KCNH1: variants seen among roughly 807,000 people sequenced by gnomAD.
KCNH1 encodes potassium voltage-gated channel subfamily H member 1.
A neutral mutation model predicts 69.2 loss-of-function variants in KCNH1; 27 were observed. That is an observed-to-expected ratio of 0.39 (90% CI 0.29 to 0.54). The LOEUF (loss-of-function observed/expected upper bound fraction) is 0.54, where lower values mean the gene tolerates loss of function less well. Among genes scored for constraint, KCNH1 ranks in the 20% least tolerant of loss-of-function variants. KCNH1 has a pLI of 0.68. For synonymous variants in KCNH1, 456 were observed against 487.7 expected (o/e 0.93, Z 0.86); for missense variants, 798 against 1,261.6 (o/e 0.63, Z 5.57).
At chr1:210,880,788 G>T (rs1194956557) in intron 7 of KCNH1, among the ~76,000 whole-genome samples, 3 of 152,020 alleles carry the variant, frequency 2.0e-5, no homozygotes, top group Admixed American at 2.0e-4. Context: ...AGAATGAGAA[G>T]GCAAGCCACA....
At position 211,127,231 on chromosome 1, in the gene KCNH1, T is replaced by A. The variant is rs148971190; in HGVS notation, c.79+6636A>T. Reference sequence around the variant, plus strand: ...TAGCCTTTGCTTTTTGTTTTAATTTTCCATTGAGTTTTGATTCCTCCACTA... The same window carrying A: ...TAGCCTTTGCTTTTTGTTTTAATTTACCATTGAGTTTTGATTCCTCCACTA... On this transcript the variant is annotated intron_variant, in intron 1 of 10. Coordinates refer to ENST00000271751, the MANE Select transcript of KCNH1 (RefSeq NM_172362.3). Among the ~76,000 whole-genome samples, 119 of 152,310 alleles carry A rather than the reference T, an allele frequency of 7.8e-4. 1 individual carries two copies. Among genetic ancestry groups the A allele is most frequent in the African/African-American group, 2.8e-3 (116 of 41,572 alleles).
intron 10 of KCNH1, among the ~76,000 whole-genome samples, chr1:210,769,010 G>A (rs1574244834): frequency 6.6e-6 from 1 of 151,952 alleles, no homozygotes; most frequent in Non-Finnish European, 1.5e-5. Context: ...CCCCTCCCCC[G>A]ACTCCTAATT....
chr1:210,874,025 C>A (rs1360758961), intron 7 of KCNH1, among the ~76,000 whole-genome samples: 2 of 152,070 alleles, frequency 1.3e-5, no homozygotes, highest in Admixed American at 6.6e-5. Context: ...GCCCTGCGCA[C>A]GTGACATAAT....
intron 10 of KCNH1, among the ~76,000 whole-genome samples, chr1:210,712,469 G>T (rs916409034): frequency 3.9e-5 from 6 of 152,178 alleles, no homozygotes; most frequent in Non-Finnish European, 8.8e-5. Context: ...AGAACGAAGA[G>T]GCTGGGAGAA....
intron 7 of KCNH1, among the ~76,000 whole-genome samples, chr1:210,825,290 A>T (rs1685012288): frequency 6.6e-6 from 1 of 152,218 alleles, no homozygotes; most frequent in African/African-American, 2.4e-5. Context: ...CAATATGCAG[A>T]AGTGCTGGTC....
chr1:210,969,508 C>A (rs1395332002), intron 6 of KCNH1, among the ~76,000 whole-genome samples: 1 of 151,948 alleles, frequency 6.6e-6, no homozygotes, highest in East Asian at 1.9e-4. Flanking sequence ...TTAATTGAGT[C>A]GTTTATCTCC....
At chr1:210,852,709 T>C (rs1426913715) in intron 7 of KCNH1, among the ~76,000 whole-genome samples, 1 of 152,186 alleles carries the variant, frequency 6.6e-6, no homozygotes, top group Non-Finnish European at 1.5e-5. Flanking sequence ...AAACAATATA[T>C]GCTTCTAAAG....
chr1:211,067,721 G>T (rs1411238339), intron 5 of KCNH1, among the ~76,000 whole-genome samples: 2 of 152,212 alleles, frequency 1.3e-5, no homozygotes, highest in Admixed American at 1.3e-4. Flanking sequence ...AGAAAGCCTG[G>T]TCGCCCTCAT....
chr1:211,124,010 G>A (rs923677940), intron 1 of KCNH1, among the ~76,000 whole-genome samples: 4 of 152,156 alleles, frequency 2.6e-5, no homozygotes, highest in South Asian at 2.1e-4. Context: ...GCACTGTCCC[G>A]GAGTGTTCCA....
intron 10 of KCNH1, among the ~76,000 whole-genome samples, chr1:210,719,875 A>C (rs1166287343): frequency 1.3e-5 from 2 of 152,218 alleles, no homozygotes; most frequent in African/African-American, 2.4e-5. Flanking sequence ...TGTGAGGATC[A>C]AGTGAGACAA....
intron 5 of KCNH1, among the ~76,000 whole-genome samples, chr1:211,048,695 G>T (rs1158594379): frequency 6.6e-6 from 1 of 152,124 alleles, no homozygotes. Context: ...GACAAGTGGG[G>T]AATAATGGGG....
At chr1:211,032,315 T>C (rs12407609) in intron 5 of KCNH1, among the ~76,000 whole-genome samples, 22,387 of 152,112 alleles carry the variant, frequency 0.15, 1,916 homozygotes, top group East Asian at 0.39. Flanking sequence ...AGAATCAATA[T>C]CATGAAAATG....
intron 6 of KCNH1, among the ~76,000 whole-genome samples, chr1:210,951,957 C>T (rs912915932): frequency 6.6e-6 from 1 of 152,244 alleles, no homozygotes. Context: ...TCTGGCCCTC[C>T]TTGTTATCTC....
chr1:210,693,469 A>T (rs1681568183), intron 10 of KCNH1, among the ~76,000 whole-genome samples: 1 of 152,196 alleles, frequency 6.6e-6, no homozygotes, highest in South Asian at 2.1e-4. Flanking sequence ...AACCAAAGAG[A>T]GGCCAGGTAG....
intron 7 of KCNH1, among the ~76,000 whole-genome samples, chr1:210,877,521 A>G (rs1473492146): frequency 6.6e-6 from 1 of 152,218 alleles, no homozygotes; most frequent in Non-Finnish European, 1.5e-5. Context: ...CTGCTTCATG[A>G]GCAACATTAC....
intron 6 of KCNH1, among the ~76,000 whole-genome samples, chr1:210,981,787 C>T (rs1467840152): frequency 6.6e-6 from 1 of 152,024 alleles, no homozygotes; most frequent in Non-Finnish European, 1.5e-5. Context: ...CTGCAACTGC[C>T]TTCATTTTCC....
chr1:210,836,499 T>C (rs896418108), intron 7 of KCNH1, among the ~76,000 whole-genome samples: 24 of 152,182 alleles, frequency 1.6e-4, no homozygotes, highest in Non-Finnish European at 5.9e-5. Context: ...CAATTTACTA[T>C]AGAGCAAAAT....
intron 10 of KCNH1, among the ~76,000 whole-genome samples, chr1:210,728,926 G>C (rs540185943): frequency 1.3e-5 from 2 of 152,188 alleles, no homozygotes; most frequent in African/African-American, 2.4e-5. Flanking sequence ...AGTAGGGCCC[G>C]AATTGCCTGG....
At chr1:211,033,714 T>C (rs1689838300) in intron 5 of KCNH1, among the ~76,000 whole-genome samples, 1 of 148,988 alleles carries the variant, frequency 6.7e-6, no homozygotes, top group Admixed American at 6.7e-5. Context: ...AATTGATCAA[T>C]GAGAACACAT....
Sources: gnomAD v4.1 joint callset for allele counts (sites outside exome capture counted in the v4.1 genomes callset) on GRCh38, gnomAD v4.1.1 for gene constraint, MANE v1.5 for transcripts, NCBI Gene and HGNC (gene_info 2026-07-23, HGNC 2026-07-21) for gene names.